PTPRD: variants seen among roughly 807,000 people sequenced by gnomAD.
PTPRD encodes the protein protein tyrosine phosphatase receptor type D.
PTPRD carries 34 observed loss-of-function variants against 214.5 expected under a neutral mutation model. The observed-to-expected ratio is 0.16, with a 90% CI of 0.12 to 0.21. The LOEUF is 0.21. Ranked by LOEUF, PTPRD falls within the 10% of genes least tolerant of loss-of-function variation. The pLI is 1.00. For synonymous variants in PTPRD, 1,128 were observed against 845.7 expected (o/e 1.33, Z -5.79); for missense variants, 2,545 against 2,398.7 (o/e 1.06, Z -1.27).
chr9:9,824,531 T>C (rs986950057), intron 5 of PTPRD, among the ~76,000 whole-genome samples: 1 of 152,006 alleles, frequency 6.6e-6, no homozygotes, highest in Non-Finnish European at 1.5e-5. Context: ...ATGAATTAAC[T>C]GTAAAAATTA....
At chr9:9,063,469 G>A (rs1395873259) in intron 10 of PTPRD, among the ~76,000 whole-genome samples, 1 of 152,188 alleles carries the variant, frequency 6.6e-6, no homozygotes, top group Non-Finnish European at 1.5e-5. Flanking sequence ...TCCTATCAAA[G>A]CTTGTTTCCA....
At chr9:8,487,578 G>A (rs1193138993) in intron 27 of PTPRD, among the ~76,000 whole-genome samples, 2 of 151,930 alleles carry the variant, frequency 1.3e-5, no homozygotes, top group African/African-American at 4.8e-5. Flanking sequence ...AGCACTTTGG[G>A]AAGCAGTGGA....
At chr9:10,556,937 A>G (rs951145334) in intron 2 of PTPRD, among the ~76,000 whole-genome samples, 5 of 152,164 alleles carry the variant, frequency 3.3e-5, no homozygotes, top group Admixed American at 2.6e-4. Flanking sequence ...AAAACGGGTA[A>G]GTACAAGTAA....
intron 2 of PTPRD, among the ~76,000 whole-genome samples, chr9:10,466,422 G>C (rs1463174522): frequency 6.6e-6 from 1 of 151,824 alleles, no homozygotes; most frequent in Non-Finnish European, 1.5e-5. Context: ...TCGGGAGTTC[G>C]AGACCAGCCT....
chr9:9,905,393 C>G (rs2077314448), intron 5 of PTPRD, among the ~76,000 whole-genome samples: 1 of 152,004 alleles, frequency 6.6e-6, no homozygotes, highest in Non-Finnish European at 1.5e-5. Flanking sequence ...AAAATACATT[C>G]TAAATCTAAG....
At chr9:10,465,416 T>C (rs1249103260) in intron 2 of PTPRD, among the ~76,000 whole-genome samples, 2 of 152,156 alleles carry the variant, frequency 1.3e-5, no homozygotes, top group African/African-American at 4.8e-5. Flanking sequence ...GTCGCTCTAT[T>C]AATACCATAT....
intron 9 of PTPRD, among the ~76,000 whole-genome samples, chr9:9,228,391 A>G (rs939803390): frequency 3.3e-5 from 5 of 152,102 alleles, no homozygotes; most frequent in East Asian, 1.9e-4. Flanking sequence ...AAATACACAT[A>G]TGTGCACACA....
chr9:8,906,917 A>C (rs956719336), intron 11 of PTPRD, among the ~76,000 whole-genome samples: 1 of 152,098 alleles, frequency 6.6e-6, no homozygotes, highest in Non-Finnish European at 1.5e-5. Flanking sequence ...AGAGGGCCCA[A>C]ACTTTCCATC....
chr9:8,404,039 A>ACTTC (rs2092717061), intron 36 of PTPRD, among the ~76,000 whole-genome samples: 1 of 152,222 alleles, frequency 6.6e-6, no homozygotes, highest in Non-Finnish European at 1.5e-5. Flanking sequence ...CTTCTGTCAT[A>ACTTC]TGGTGTCAGG....
At chr9:10,090,531 A>C (rs1418485959) in intron 3 of PTPRD, among the ~76,000 whole-genome samples, 2 of 151,142 alleles carry the variant, frequency 1.3e-5, no homozygotes, top group African/African-American at 4.9e-5. Context: ...TTTTAGTCAA[A>C]TATTTTCATT....
chr9:10,601,711 C>T (rs182158014), intron 2 of PTPRD, among the ~76,000 whole-genome samples: 100 of 151,722 alleles, frequency 6.6e-4, no homozygotes, highest in African/African-American at 2.4e-3. Flanking sequence ...GCTTTTTTAA[C>T]CACTGCTCCT....
chr9:9,113,402 G>A (rs1348050863), intron 10 of PTPRD, among the ~76,000 whole-genome samples: 1 of 152,122 alleles, frequency 6.6e-6, no homozygotes, highest in Non-Finnish European at 1.5e-5. Context: ...GGGGGAGAGT[G>A]TTGTCCTAAA....
intron 2 of PTPRD, among the ~76,000 whole-genome samples, chr9:10,436,271 T>C (rs1451866249): frequency 1.3e-5 from 2 of 151,856 alleles, no homozygotes; most frequent in Non-Finnish European, 2.9e-5. Flanking sequence ...TGTATATGTA[T>C]ACACACATAT....
chr9:8,902,542 A>C (rs1043192189), intron 11 of PTPRD, among the ~76,000 whole-genome samples: 3 of 151,900 alleles, frequency 2.0e-5, no homozygotes, highest in African/African-American at 7.3e-5. Context: ...ACAGGGTTTC[A>C]TCATGTTGGC....
intron 11 of PTPRD, among the ~76,000 whole-genome samples, chr9:8,887,744 T>G (rs1352192488): frequency 6.6e-6 from 1 of 152,298 alleles, no homozygotes; most frequent in Admixed American, 6.5e-5. Flanking sequence ...ACTACCTCTT[T>G]AAGAGTTTTC....
chr9:10,254,899 T>G (rs761312597), intron 3 of PTPRD, among the ~76,000 whole-genome samples: 1 of 152,180 alleles, frequency 6.6e-6, no homozygotes, highest in Non-Finnish European at 1.5e-5. Context: ...GGATCAAATC[T>G]CTGTTCTCTG....
intron 7 of PTPRD, among the ~76,000 whole-genome samples, chr9:9,696,116 T>C (rs1333140026): frequency 6.6e-6 from 1 of 152,154 alleles, no homozygotes; most frequent in East Asian, 1.9e-4. Context: ...AGATTCATCC[T>C]TTAGTAAGTT....
At chr9:9,077,963 A>G (rs1271625569) in intron 10 of PTPRD, among the ~76,000 whole-genome samples, 1 of 152,114 alleles carries the variant, frequency 6.6e-6, no homozygotes, top group African/African-American at 2.4e-5. Context: ...CCTAGAAATA[A>G]GAGTGAATAA....
intron 7 of PTPRD, among the ~76,000 whole-genome samples, chr9:9,669,074 T>A (rs1188767488): frequency 6.6e-6 from 1 of 152,120 alleles, no homozygotes; most frequent in Non-Finnish European, 1.5e-5. Context: ...CTAAAAAAGA[T>A]TTTCTAGTTC....
Sources: gnomAD v4.1 joint callset for allele counts (sites outside exome capture counted in the v4.1 genomes callset) on GRCh38, gnomAD v4.1.1 for gene constraint, MANE v1.5 for transcripts, NCBI Gene and HGNC (gene_info 2026-07-23, HGNC 2026-07-21) for gene names.